The following NPSR1 variants were observed in gnomAD, a reference collection of about 807,000 sequenced individuals.
NPSR1 encodes neuropeptide S receptor.
NPSR1 carries 48 observed loss-of-function variants against 46.9 expected under a neutral mutation model. The observed-to-expected ratio is 1.02, with a 90% CI of 0.81 to 1.30. NPSR1 has a LOEUF of 1.30. Ranked by LOEUF, NPSR1 falls within the 50% of genes most tolerant of loss-of-function variation. NPSR1 has a pLI of 0.00. For missense variants in NPSR1, 450 were observed against 449.5 expected (o/e 1.00, Z -0.01); for synonymous variants, 176 against 168.1 (o/e 1.05, Z -0.36).
chr7:34,865,144 A>T (rs1278131405), intron 8 of NPSR1, among the ~76,000 whole-genome samples: 2 of 152,030 alleles, frequency 1.3e-5, no homozygotes, highest in Middle Eastern at 6.8e-3. Flanking sequence ...TCTCAGCATT[A>T]CTGCATGGAA....
Position 34,849,157 on chromosome 7 carries a change from G to A in NPSR1, c.1026-408G>A, listed in dbSNP as rs148441104. 4.4e-3 allele frequency among the ~76,000 whole-genome samples: 670 copies of A among 152,336 alleles called. 2 individuals carry two copies. Among genetic ancestry groups the A allele is most frequent in the Middle Eastern group, 0.041 (12 of 294 alleles). On this transcript the variant is annotated intron_variant, in intron 8 of 8. Coordinates refer to ENST00000360581, the MANE Select transcript of NPSR1 (RefSeq NM_207172.2). ...TGTTTTCCTGCATAAGCCACAGAGGGTAGGTGGAGAATTCCATAGGAGATA... is the reference window on the plus strand; with the variant it reads ...TGTTTTCCTGCATAAGCCACAGAGGATAGGTGGAGAATTCCATAGGAGATA...
intron 1 of NPSR1, among the ~76,000 whole-genome samples, chr7:34,677,073 C>G (rs1792355397): frequency 6.6e-6 from 1 of 152,204 alleles, no homozygotes; most frequent in Admixed American, 6.5e-5. Flanking sequence ...ATTTCCAATT[C>G]ACTGATACAT....
chr7:34,807,539 T>C (rs1045272504), intron 3 of NPSR1, among the ~76,000 whole-genome samples: 4 of 152,180 alleles, frequency 2.6e-5, no homozygotes, highest in African/African-American at 9.6e-5. Flanking sequence ...ATTTGTCTAA[T>C]AGCAATGTTG....
intron 2 of NPSR1, among the ~76,000 whole-genome samples, chr7:34,747,838 C>T (rs1353476440): frequency 1.3e-5 from 2 of 152,136 alleles, no homozygotes; most frequent in African/African-American, 4.8e-5. Flanking sequence ...CAACTACAAA[C>T]AAATATATAA....
chr7:34,707,801 T>G (rs1414559750), intron 2 of NPSR1, among the ~76,000 whole-genome samples: 1 of 152,180 alleles, frequency 6.6e-6, no homozygotes, highest in Non-Finnish European at 1.5e-5. Flanking sequence ...TGTATTAGTT[T>G]GCTGGGACTG....
At chr7:34,745,207 G>A (rs1785142994) in intron 2 of NPSR1, among the ~76,000 whole-genome samples, 1 of 152,034 alleles carries the variant, frequency 6.6e-6, no homozygotes, top group Non-Finnish European at 1.5e-5. Context: ...ATCTTCTTCT[G>A]GAACTCCAGT....
intron 1 of NPSR1, among the ~76,000 whole-genome samples, chr7:34,671,501 C>T (rs7804762): frequency 8.2e-4 from 125 of 152,276 alleles, no homozygotes; most frequent in Middle Eastern, 3.4e-3. Flanking sequence ...GCAAGCGAGG[C>T]TTGCATGACC....
chr7:34,819,570 T>C (rs2128753107), intron 4 of NPSR1, among the ~76,000 whole-genome samples: 1 of 152,326 alleles, frequency 6.6e-6, no homozygotes, highest in Non-Finnish European at 1.5e-5. Flanking sequence ...TACTGGTATA[T>C]ACCCAAAGGA....
rs181200048 is a variant in NPSR1, at chr7:34,736,481, G to A, written c.281-41981G>A. 2.6e-5 allele frequency among the ~76,000 whole-genome samples: 4 copies of A among 152,008 alleles called. No homozygotes were observed. The East Asian group carries it at 7.7e-4, about 29-fold the overall frequency. ...TATTACTGGCAAAACTACAACCCTG[G>A]TAAAATCCTGCTTTTTCTCTCTTTG... On this transcript the variant is annotated intron_variant, in intron 2 of 8. Transcript: ENST00000360581.
intron 4 of NPSR1, among the ~76,000 whole-genome samples, chr7:34,819,875 A>AAC (rs1330915063): frequency 2.6e-5 from 4 of 152,148 alleles, no homozygotes; most frequent in Non-Finnish European, 5.9e-5. Context: ...GAACAACGAA[A>AAC]ACACTTGGAC....
In NPSR1 at chr7:34,747,895, C is replaced by T. The variant is rs190162846; in HGVS notation, c.281-30567C>T. On this transcript the variant is annotated intron_variant, in intron 2 of 8. Transcript: ENST00000360581. ...CCTATACCTGGGGTGATGGGTGGGA[C>T]GAGTTAAAGAAGGGATCTGGACACT... is the stretch of plus-strand genomic sequence containing the variant. Among the ~76,000 whole-genome samples, 227 of 152,224 alleles carry T rather than the reference C, an allele frequency of 1.5e-3. 1 individual carries two copies. Among genetic ancestry groups the T allele is most frequent in the African/African-American group, 4.9e-3 (205 of 41,516 alleles).
chr7:34,798,301 G>A (rs747585001), intron 3 of NPSR1, among the ~76,000 whole-genome samples: 4 of 152,136 alleles, frequency 2.6e-5, no homozygotes, highest in East Asian at 1.9e-4. Flanking sequence ...TTGGGAGGCC[G>A]AGGCAGGTGG....
At chr7:34,799,126 G>T (rs1022339029) in intron 3 of NPSR1, among the ~76,000 whole-genome samples, 1 of 152,100 alleles carries the variant, frequency 6.6e-6, no homozygotes, top group Non-Finnish European at 1.5e-5. Flanking sequence ...TTATTAAATT[G>T]AAGTAGAATT....
chr7:34,848,167 C>T (rs995765860), intron 7 of NPSR1, among the ~76,000 whole-genome samples: 3 of 152,176 alleles, frequency 2.0e-5, no homozygotes, highest in Admixed American at 2.0e-4. Flanking sequence ...TGATGAGAGG[C>T]TATGGCCATA....
At chr7:34,663,071 G>GTGTGTGTGTGTGTGTT (rs1791547343) in intron 1 of NPSR1, among the ~76,000 whole-genome samples, 1 of 45,802 alleles carries the variant, frequency 2.2e-5, no homozygotes, top group Non-Finnish European at 4.0e-5. Flanking sequence ...CTCTCTCTGT[G>GTGTGTGTGTGTGTGTT]TGTGTGTGTG....
chr7:34,757,504 T>C (rs1338138972), intron 2 of NPSR1, among the ~76,000 whole-genome samples: 2 of 152,186 alleles, frequency 1.3e-5, no homozygotes, highest in East Asian at 1.9e-4. Context: ...AGCTACTTTT[T>C]GGGAAAGGTG....
intron 6 of NPSR1, among the ~76,000 whole-genome samples, chr7:34,843,191 A>G (rs1370485330): frequency 6.6e-6 from 1 of 152,220 alleles, no homozygotes; most frequent in East Asian, 1.9e-4. Context: ...CTATAACAGA[A>G]TACCACAGAC....
At chr7:34,773,472 T>C (rs1275760919) in intron 2 of NPSR1, among the ~76,000 whole-genome samples, 2 of 152,144 alleles carry the variant, frequency 1.3e-5, no homozygotes, top group Admixed American at 1.3e-4. Context: ...GTTAGCTGTG[T>C]TGACTATGAC....
At chr7:34,841,610 C>T (rs1326358065) in intron 6 of NPSR1, among the ~76,000 whole-genome samples, 2 of 152,188 alleles carry the variant, frequency 1.3e-5, no homozygotes, top group Non-Finnish European at 2.9e-5. Context: ...ACCAGCATTT[C>T]GTAGCTCAGC....
Sources: gnomAD v4.1 joint callset for allele counts (sites outside exome capture counted in the v4.1 genomes callset) on GRCh38, gnomAD v4.1.1 for gene constraint, MANE v1.5 for transcripts, NCBI Gene and HGNC (gene_info 2026-07-23, HGNC 2026-07-21) for gene names.